The following ANO4 variants were observed in gnomAD, a reference collection of about 807,000 sequenced individuals.
ANO4 encodes anoctamin 4, also known as anoctamin-4.
In ANO4, 69 loss-of-function variants were observed where a neutral mutation model predicts 141.9. The ratio of observed to expected loss-of-function variants is 0.49; its 90% CI spans 0.40 to 0.59. ANO4 has a LOEUF of 0.59. Among genes scored for constraint, ANO4 ranks in the 20% least tolerant of loss-of-function variants. ANO4 has a pLI of 0.00. For synonymous variants in ANO4, 350 were observed against 394.3 expected, an observed-to-expected ratio of 0.89 and a Z score of 1.33; for missense variants, 894 against 1,162.2, an observed-to-expected ratio of 0.77 and a Z score of 3.36.
At chr12:100,981,616 G>A (rs1428272061) in intron 7 of ANO4, among the ~76,000 whole-genome samples, 2 of 152,126 alleles carry the variant, frequency 1.3e-5, no homozygotes, top group African/African-American at 2.4e-5. Context: ...TTCTTTACTG[G>A]GGAAAAGTAG....
At chr12:100,962,452 G>A (rs1377014702) in intron 5 of ANO4, among the ~76,000 whole-genome samples, 1 of 152,134 alleles carries the variant, frequency 6.6e-6, no homozygotes, top group African/African-American at 2.4e-5. Context: ...CAAACTTCAA[G>A]GCTTCAAGCA....
intron 1 of ANO4, among the ~76,000 whole-genome samples, chr12:100,878,761 G>A (rs2039431898): frequency 6.6e-6 from 1 of 152,148 alleles, no homozygotes; most frequent in Non-Finnish European, 1.5e-5. Flanking sequence ...AATGAAAGGG[G>A]CATTTCCTTT....
chr12:101,087,253 C>T (rs1435798045), intron 17 of ANO4, among the ~76,000 whole-genome samples: 5 of 151,848 alleles, frequency 3.3e-5, no homozygotes, highest in Non-Finnish European at 7.4e-5. Context: ...TACAGGGGCT[C>T]ATGCCTATAA....
intron 5 of ANO4, among the ~76,000 whole-genome samples, chr12:100,953,879 G>T (rs895225918): frequency 7.5e-6 from 1 of 133,702 alleles, no homozygotes; most frequent in African/African-American, 4.0e-5. Flanking sequence ...TAACTGAATG[G>T]GGGGGTATGG....
At chr12:100,965,385 A>G (rs968633922) in intron 5 of ANO4, among the ~76,000 whole-genome samples, 9 of 152,038 alleles carry the variant, frequency 5.9e-5, no homozygotes, top group African/African-American at 2.2e-4. Context: ...CCTGGCTACT[A>G]GAATAACTTT....
intron 14 of ANO4, among the ~76,000 whole-genome samples, chr12:101,056,530 A>T (rs2048124735): frequency 2.6e-5 from 4 of 152,122 alleles, no homozygotes; most frequent in Admixed American, 2.6e-4. Flanking sequence ...TGATTAAGAA[A>T]TTTATAAAAT....
intron 1 of ANO4, among the ~76,000 whole-genome samples, chr12:100,803,926 T>A (rs1370550764): frequency 2.6e-5 from 4 of 152,108 alleles, no homozygotes; most frequent in Non-Finnish European, 4.4e-5. Flanking sequence ...ATATATGTAT[T>A]TTCCCCCTTA....
At position 101,048,322 on chromosome 12, in the gene ANO4, C is replaced by T. The variant is rs767364752; in HGVS notation, c.1252-19C>T. On this transcript the variant is annotated intron_variant, in intron 13 of 27. Transcript: ENST00000392977. ...CATATATGAGAAATTAACTCAGCAC[C>T]GATTCTTATTATTCACAGGTAACCC... 44 of 1,611,636 alleles carry T rather than the reference C, an allele frequency of 2.7e-5. No individual in the cohort carries two copies. The highest frequency in any genetic ancestry group is 8.0e-5 in the African/African-American group (6 of 74,800).
intron 3 of ANO4, among the ~76,000 whole-genome samples, chr12:100,936,974 T>C (rs985850351): frequency 5.9e-5 from 9 of 152,250 alleles, no homozygotes; most frequent in African/African-American, 2.2e-4. Context: ...ACGATACTTT[T>C]ATCTTATTGT....
At chr12:101,080,908 C>A (rs1281928337) in intron 15 of ANO4, among the ~76,000 whole-genome samples, 1 of 89,830 alleles carries the variant, frequency 1.1e-5, no homozygotes, top group Non-Finnish European at 2.5e-5. Context: ...TATACATACA[C>A]ATATACATAT....
intron 7 of ANO4, among the ~76,000 whole-genome samples, chr12:100,980,566 A>G (rs1485734231): frequency 2.0e-5 from 3 of 152,354 alleles, no homozygotes; most frequent in African/African-American, 7.2e-5. Context: ...AGTTTCATTT[A>G]TATAAGTGAT....
intron 24 of ANO4, 106 bp from the exon 25 acceptor site, chr12:101,116,573 A>T: frequency 6.6e-7 from 1 of 1,511,222 alleles, no homozygotes; most frequent in South Asian, 1.2e-5. Flanking sequence ...AGGGCCAGTT[A>T]AAGGCATTTA....
At chr12:100,718,361 A>G (rs1042526847) in intron 1 of ANO4, among the ~76,000 whole-genome samples, 1 of 152,190 alleles carries the variant, frequency 6.6e-6, no homozygotes, top group Non-Finnish European at 1.5e-5. Context: ...CAGAAACTCA[A>G]GTAGACCTCC....
At chr12:100,732,943 A>G (rs1435851487) in intron 1 of ANO4, among the ~76,000 whole-genome samples, 1 of 152,156 alleles carries the variant, frequency 6.6e-6, no homozygotes, top group African/African-American at 2.4e-5. Flanking sequence ...TAATGAGGAA[A>G]TTGATTCCTG....
chr12:101,119,671 A>G (rs1177807309), intron 25 of ANO4, among the ~76,000 whole-genome samples: 1 of 152,178 alleles, frequency 6.6e-6, no homozygotes, highest in Non-Finnish European at 1.5e-5. Flanking sequence ...AAGTTCAAAA[A>G]CAAACTAAAT....
intron 3 of ANO4, among the ~76,000 whole-genome samples, chr12:100,778,066 C>T (rs1486118200): frequency 6.6e-6 from 1 of 151,850 alleles, no homozygotes; most frequent in African/African-American, 2.4e-5. Context: ...ACTACAGGCA[C>T]CCGCCACCAT....
intron 1 of ANO4, among the ~76,000 whole-genome samples, chr12:100,803,649 A>G (rs1020918926): frequency 6.6e-6 from 1 of 152,150 alleles, no homozygotes; most frequent in Non-Finnish European, 1.5e-5. Context: ...TGGGGCAGAC[A>G]TTGTACCCAT....
chr12:100,859,554 A>C (rs1209327606), intron 1 of ANO4, among the ~76,000 whole-genome samples: 1 of 152,194 alleles, frequency 6.6e-6, no homozygotes, highest in East Asian at 1.9e-4. Context: ...AAGAGATTCA[A>C]ATCATAATTC....
intron 3 of ANO4, among the ~76,000 whole-genome samples, chr12:100,742,908 A>G (rs1386205966): frequency 1.3e-5 from 2 of 152,162 alleles, no homozygotes; most frequent in African/African-American, 4.8e-5. Context: ...GCAGTGAACA[A>G]CTTGTGAAAC....
Sources: gnomAD v4.1 joint callset for allele counts (sites outside exome capture counted in the v4.1 genomes callset) on GRCh38, gnomAD v4.1.1 for gene constraint, MANE v1.5 for transcripts, NCBI Gene and HGNC (gene_info 2026-07-23, HGNC 2026-07-21) for gene names.